The following GRIA4 variants were observed in gnomAD, a reference collection of about 807,000 sequenced individuals.
The protein encoded by GRIA4 is glutamate ionotropic receptor AMPA type subunit 4, also known as glutamate receptor 4.
In GRIA4, 34 loss-of-function variants were observed where a neutral mutation model predicts 104.0. The observed-to-expected ratio is 0.33, with a 90% CI of 0.25 to 0.44. The LOEUF is 0.44. GRIA4 is among the 20% of genes least tolerant of loss of function. The pLI, the probability that GRIA4 is intolerant of heterozygous loss-of-function variation, is 1.00. For synonymous variants in GRIA4, 386 were observed against 381.9 expected (o/e 1.01, Z -0.13); for missense variants, 750 against 1,096.5 (o/e 0.68, Z 4.46).
rs1950437886 is a variant in GRIA4 at position 105,610,360 on chromosome 11, G to A, written c.-159G>A. 1 of 152,592 alleles carries A rather than the reference G, an allele frequency of 6.6e-6. No individual in the cohort carries two copies. Among genetic ancestry groups the A allele is most frequent in the Admixed American group, 6.5e-5 (1 of 15,308 alleles). 9.5% of individuals were successfully genotyped at this position (152,592 alleles called of 1,614,324 possible). A position where few individuals can be genotyped will look rare whatever the true frequency, so the allele number is the denominator to read the frequency against. ...CGAGGAAGAAAAGAGGAGGGAGTCA[G>A]CGAGTGGTCAGAAGGGAAAACCTGA... On this transcript the variant is annotated 5_prime_UTR_variant, in exon 1 of 17. Transcript: ENST00000282499.
chr11:105,655,550 C>A (rs1222879244), intron 3 of GRIA4, among the ~76,000 whole-genome samples: 1 of 152,028 alleles, frequency 6.6e-6, no homozygotes, highest in Non-Finnish European at 1.5e-5. Context: ...CATGTGTTCT[C>A]ATTGTTCAAC....
In GRIA4 at chr11:105,910,461, G is replaced by A. The variant is rs1947196610; in HGVS notation, c.1185G>A (p.Lys395=). The change falls in exon 10 of 17, where the codon AAG becomes AAA. Residue 395 remains lysine (K), a synonymous_variant. Transcript: ENST00000282499. ...RKVGYWNDMD[K]LVLIQDVPTL... ...TTGGTTACTGGAATGATATGGATAA[G>A]TTAGTCTTGATTCAAGATGTACCAA... 1.9e-6 allele frequency: 3 copies of A among 1,590,402 alleles called. No homozygotes were observed. The highest frequency in any genetic ancestry group is 1.3e-5 in the African/African-American group (1 of 74,458).
intron 3 of GRIA4, among the ~76,000 whole-genome samples, chr11:105,702,690 CTTTCTTTTTTT>C (rs926375484): frequency 4.2e-5 from 4 of 96,118 alleles, no homozygotes; most frequent in African/African-American, 1.6e-4. Flanking sequence ...AATTATTTTC[CTTTCTTTTTTT>C]TTTTTTTTTT....
chr11:105,743,286 A>C (rs1356252891), intron 3 of GRIA4, among the ~76,000 whole-genome samples: 1 of 152,192 alleles, frequency 6.6e-6, no homozygotes, highest in Admixed American at 6.5e-5. Context: ...AACCATTCAA[A>C]TGTTAACAAC....
chr11:105,810,464 T>C (rs560401248), intron 4 of GRIA4, among the ~76,000 whole-genome samples: 2 of 152,252 alleles, frequency 1.3e-5, no homozygotes, highest in Non-Finnish European at 2.9e-5. Flanking sequence ...ACATTTGCCA[T>C]GCAAGTCAGT....
chr11:105,861,954 C>A, intron 4 of GRIA4, 70 bp from the exon 5 acceptor site: 1 of 893,146 alleles, frequency 1.1e-6, no homozygotes, highest in Non-Finnish European at 1.8e-6. Context: ...TTGATATAGG[C>A]TCAGTACCTG....
At chr11:105,944,370 G>T (rs1311160453) in intron 14 of GRIA4, among the ~76,000 whole-genome samples, 1 of 152,002 alleles carries the variant, frequency 6.6e-6, no homozygotes, top group Non-Finnish European at 1.5e-5. Flanking sequence ...TATGGGTTCA[G>T]GCTCATTCTT....
At chr11:105,680,508 T>C (rs908086483) in intron 3 of GRIA4, among the ~76,000 whole-genome samples, 2 of 152,088 alleles carry the variant, frequency 1.3e-5, no homozygotes, top group African/African-American at 4.8e-5. Context: ...GTGAAGAACA[T>C]AGTAAGACTA....
At chr11:105,665,322 T>C (rs559159914) in intron 3 of GRIA4, among the ~76,000 whole-genome samples, 2 of 152,172 alleles carry the variant, frequency 1.3e-5, no homozygotes, top group African/African-American at 2.4e-5. Context: ...ATGAGAAATA[T>C]ACTTTTATTC....
intron 3 of GRIA4, among the ~76,000 whole-genome samples, chr11:105,695,162 GA>G (rs1175236876): frequency 1.3e-5 from 2 of 152,248 alleles, no homozygotes; most frequent in African/African-American, 4.8e-5. Context: ...AAATCTTTGG[GA>G]AAAAAATTAA....
intron 3 of GRIA4, among the ~76,000 whole-genome samples, chr11:105,734,563 T>A (rs7932892): frequency 0.54 from 82,335 of 151,898 alleles, 22,441 homozygotes; most frequent in Admixed American, 0.61. Flanking sequence ...GCTTCCCATC[T>A]TCCTTAGGAT....
At chr11:105,775,477 A>C (rs1436226308) in intron 4 of GRIA4, among the ~76,000 whole-genome samples, 1 of 152,318 alleles carries the variant, frequency 6.6e-6, no homozygotes, top group Non-Finnish European at 1.5e-5. Flanking sequence ...AAGCACAAAA[A>C]CAAAGGAAAA....
Position 105,924,639 on chromosome 11 carries a change from T to G in GRIA4, c.1717T>G (p.Trp573Gly). Residue 573 changes from tryptophan to glycine, a missense_variant, in exon 12 of 17, where the codon TGG becomes GGG. Trp to Gly is a radical substitution (Grantham distance 184). This residue lies in a region of GRIA4 where 272 missense variants were observed against 524.5 expected (regional missense o/e 0.52). Coordinates refer to ENST00000282499, the MANE Select transcript of GRIA4 (RefSeq NM_000829.4). ...AGTTAGTAGATTTAGTCCATATGAG[T>G]GGCACACAGAAGAGCCAGAGGACGG... ...FLVSRFSPYE[W>G]HTEEPEDGKE... 1.9e-6 allele frequency: 3 copies of G among 1,613,052 alleles called. No homozygotes were observed. The highest frequency in any genetic ancestry group is 2.5e-6 in the Non-Finnish European group (3 of 1,179,414).
chr11:105,929,140 G>A (rs868360361), intron 13 of GRIA4, among the ~76,000 whole-genome samples: 8 of 151,950 alleles, frequency 5.3e-5, no homozygotes, highest in Non-Finnish European at 1.0e-4. Context: ...TTCCTACCCT[G>A]TTTGCTTCCC....
At chr11:105,719,011 C>G (rs1280736156) in intron 3 of GRIA4, among the ~76,000 whole-genome samples, 1 of 152,056 alleles carries the variant, frequency 6.6e-6, no homozygotes, top group Non-Finnish European at 1.5e-5. Context: ...ACACGAAGCA[C>G]TTATTCTTAA....
At chr11:105,965,953 T>C (rs1444990999) in intron 14 of GRIA4, 41 of 1,596,974 alleles carry the variant, frequency 2.6e-5, no homozygotes, top group Non-Finnish European at 3.5e-5. Flanking sequence ...CAAGAAATGC[T>C]GTTAACCTCG....
In GRIA4 at chr11:105,753,091, C is replaced by T. The variant is rs761851549; in HGVS notation, c.358C>T (p.Pro120Ser). Residue 120 changes from proline (P) to serine (S), a missense_variant, in exon 4 of 17, where the codon CCA becomes TCA. This residue lies in a region of GRIA4 where 410 missense variants were observed against 502.7 expected (regional missense o/e 0.82). Coordinates refer to ENST00000282499, the MANE Select transcript of GRIA4 (RefSeq NM_000829.4). ...CGCCTTACATATCTCCCTCATCACA[C>T]CAAGTTTCCCTACTGAGGGGGAGAG... ...CSALHISLIT[P>S]SFPTEGESQF... 2 of 1,613,730 alleles carry T rather than the reference C, an allele frequency of 1.2e-6. No homozygotes were observed. Among genetic ancestry groups the T allele is most frequent in the African/African-American group, 1.3e-5 (1 of 74,872 alleles).
intron 4 of GRIA4, among the ~76,000 whole-genome samples, chr11:105,791,281 A>T (rs1942202891): frequency 6.6e-6 from 1 of 152,208 alleles, no homozygotes. Flanking sequence ...GTCTGTCCAC[A>T]GTGGTAAAGA....
chr11:105,877,149 T>G (rs995177995), intron 5 of GRIA4, among the ~76,000 whole-genome samples: 4 of 152,320 alleles, frequency 2.6e-5, no homozygotes, highest in Non-Finnish European at 4.4e-5. Flanking sequence ...AAGGATTTTA[T>G]TTCTCCTTCG....
Sources: gnomAD v4.1 joint callset for allele counts (sites outside exome capture counted in the v4.1 genomes callset) on GRCh38, gnomAD v4.1.1 for gene constraint, gnomAD v4.1.1 regional missense constraint, MANE v1.5 for transcripts, NCBI Gene and HGNC (gene_info 2026-07-23, HGNC 2026-07-21) for gene names.